The following KCNK5 variants were observed in gnomAD, a reference collection of about 807,000 sequenced individuals.
KCNK5 encodes potassium two pore domain channel subfamily K member 5.
In KCNK5, 18 loss-of-function variants were observed where a neutral mutation model predicts 32.9. That is an observed-to-expected ratio of 0.55 (90% CI 0.38 to 0.81). The LOEUF is 0.81. KCNK5 is among the 30% of genes least tolerant of loss of function. The pLI, the probability that KCNK5 is intolerant of heterozygous loss-of-function variation, is 0.00. For missense variants in KCNK5, 507 were observed against 651.0 expected, an observed-to-expected ratio of 0.78 and a Z score of 2.41; for synonymous variants, 276 against 275.3, an observed-to-expected ratio of 1.00 and a Z score of -0.03.
chr6:39,217,829 G>A (rs2815114), intron 1 of KCNK5, among the ~76,000 whole-genome samples: 64,734 of 151,960 alleles, frequency 0.43, 14,015 homozygotes, highest in East Asian at 0.6. Context: ...GGGAGGCATC[G>A]GATCCTTTCT....
intron 1 of KCNK5, among the ~76,000 whole-genome samples, chr6:39,200,398 A>T (rs2815104): frequency 6.6e-6 from 1 of 151,956 alleles, no homozygotes; most frequent in Non-Finnish European, 1.5e-5. Flanking sequence ...AGAGTTGGGT[A>T]AAGCATTTTA....
At chr6:39,223,820 G>T (rs1184430936) in intron 1 of KCNK5, among the ~76,000 whole-genome samples, 1 of 152,152 alleles carries the variant, frequency 6.6e-6, no homozygotes, top group East Asian at 1.9e-4. Context: ...AAAACCGGGG[G>T]ATTTTGTTTC....
chr6:39,229,434 C>T lies in KCNK5; in HGVS notation c.-323G>A. ...TGACTCTGGGCAGACACGTGGGCCG[C>T]TTCTCCACGCGTCGCTCCTCCGCGC... On this transcript the variant is annotated 5_prime_UTR_variant, in exon 1 of 5. Transcript: ENST00000359534. 3.4e-6 allele frequency: 1 copy of T among 297,168 alleles called. No individual in the cohort carries two copies. Among genetic ancestry groups the T allele is most frequent in the Non-Finnish European group, 6.4e-6 (1 of 156,628 alleles). The allele number at this position is 297,168 out of a possible 1,614,324, so 18.4% of individuals were successfully genotyped here. A position where few individuals can be genotyped will look rare whatever the true frequency, so the allele number is the denominator to read the frequency against.
chr6:39,222,467 C>G (rs1417952663), intron 1 of KCNK5, among the ~76,000 whole-genome samples: 1 of 152,108 alleles, frequency 6.6e-6, no homozygotes, highest in African/African-American at 2.4e-5. Context: ...GTGGAGGAAA[C>G]TTTCTGAAAT....
chr6:39,193,165 C>CT (rs1770970530), intron 4 of KCNK5, among the ~76,000 whole-genome samples: 3 of 146,458 alleles, frequency 2.0e-5, no homozygotes, highest in Admixed American at 2.0e-4. Context: ...GAAAGTATGG[C>CT]TAAGTGTACA....
chr6:39,213,642 A>AT, intron 1 of KCNK5, among the ~76,000 whole-genome samples: 1 of 152,340 alleles, frequency 6.6e-6, no homozygotes, highest in South Asian at 2.1e-4. Context: ...AAGAATGTGT[A>AT]TACACGGGTG....
intron 1 of KCNK5, among the ~76,000 whole-genome samples, chr6:39,198,021 T>A (rs1276457979): frequency 1.3e-5 from 2 of 152,134 alleles, no homozygotes; most frequent in Non-Finnish European, 2.9e-5. Context: ...GAGAGGAGAA[T>A]GTTTGGAACA....
In KCNK5 at chr6:39,190,831, A is replaced by C; in HGVS notation, c.*59T>G. ...GGCCAGGCGTCCCGGTCATCTCGGG[A>C]CACCCTAGGGTGAGGGGGGAAGAGG... On this transcript the variant is annotated 3_prime_UTR_variant, in exon 5 of 5. Transcript: ENST00000359534. 1 of 1,397,494 alleles carries C rather than the reference A, an allele frequency of 7.2e-7. No individual in the cohort carries two copies. The highest frequency in any genetic ancestry group is 9.3e-7 in the Non-Finnish European group (1 of 1,070,420). 86.6% of individuals were successfully genotyped at this position (1,397,494 alleles called of 1,614,324 possible).
chr6:39,190,972 G>T lies in KCNK5; in HGVS notation c.1418C>A (p.Thr473Asn). 1 of 1,548,552 alleles carries T rather than the reference G, an allele frequency of 6.5e-7. No homozygotes were observed. The highest frequency in any genetic ancestry group is 8.7e-7 in the Non-Finnish European group (1 of 1,149,298). ...CACAGAGAGCTCAGACTCAGTGCTGGTGAAGGTGGACTCGGAGGAGGAGGG... is the reference window on the plus strand; with the variant it reads ...CACAGAGAGCTCAGACTCAGTGCTGTTGAAGGTGGACTCGGAGGAGGAGGG... ...EFPSSSESTFTSTESELSVPY... is the reference protein window; with the variant it reads ...EFPSSSESTFNSTESELSVPY... The change falls in exon 5 of 5, where the codon ACC becomes AAC. Residue 473 changes from threonine to asparagine, a missense_variant. Thr to Asn is a moderately conservative substitution (Grantham distance 65). Coordinates refer to ENST00000359534, the MANE Select transcript of KCNK5 (RefSeq NM_003740.4).
At chr6:39,203,080 C>G (rs976502468) in intron 1 of KCNK5, among the ~76,000 whole-genome samples, 1 of 152,144 alleles carries the variant, frequency 6.6e-6, no homozygotes, top group Non-Finnish European at 1.5e-5. Context: ...AGCAAAGCTG[C>G]TCACCCCCAA....
rs1770944890 is a variant in KCNK5 at position 39,191,842 on chromosome 6, G to C, written c.635-87C>G. On this transcript the variant is annotated intron_variant, in intron 4 of 4. Transcript: ENST00000359534. The surrounding 1 kb of genome is among the most constrained non-coding windows in gnomAD (Gnocchi z 5.8). ...GCCAATGCTGTGTGATCTGAGCAGG[G>C]GTCAGGCCAGAGCACAGGACGGGGG... 6 of 1,429,432 alleles carry C rather than the reference G, an allele frequency of 4.2e-6. No individual in the cohort carries two copies. The East Asian group carries it at 1.1e-4, about 27-fold the overall frequency. The allele number at this position is 1,429,432 out of a possible 1,614,324, so 88.5% of individuals were successfully genotyped here. A position where few individuals can be genotyped will look rare whatever the true frequency, so the allele number is the denominator to read the frequency against.
chr6:39,221,999 T>C (rs1435140235), intron 1 of KCNK5, among the ~76,000 whole-genome samples: 2 of 152,162 alleles, frequency 1.3e-5, no homozygotes, highest in Non-Finnish European at 2.9e-5. Context: ...GGATAGCCAG[T>C]AGGGAGGGCC....
In KCNK5 at chr6:39,191,608, C is replaced by T. The variant is rs138072490; in HGVS notation, c.782G>A (p.Arg261Gln). ...EVHKAIKKRRRRRKESFESSP... is the reference protein window; with the variant it reads ...EVHKAIKKRRQRRKESFESSP... Reference sequence around the variant, plus strand: ...GCTCTCAAAGGACTCCTTCCGTCGCCGCCGCCGCTTCTTAATGGCTTTGTG... The same window carrying T: ...GCTCTCAAAGGACTCCTTCCGTCGCTGCCGCCGCTTCTTAATGGCTTTGTG... Residue 261 changes from arginine to glutamine, a missense_variant, in exon 5 of 5, where the codon CGG (arginine) becomes CAG (glutamine). Transcript: ENST00000359534. This position sits in a 1 kb window ranked among gnomAD's most constrained non-coding sequence, Gnocchi z 5.8. 2.6e-5 allele frequency: 42 copies of T among 1,613,826 alleles called. No individual in the cohort carries two copies. The highest frequency in any genetic ancestry group is 3.2e-5 in the Non-Finnish European group (38 of 1,179,998).
chr6:39,212,356 C>T (rs955986107), intron 1 of KCNK5, among the ~76,000 whole-genome samples: 3 of 152,274 alleles, frequency 2.0e-5, no homozygotes, highest in African/African-American at 7.2e-5. Flanking sequence ...AATTGCATAG[C>T]GGCATGTGGG....
Position 39,191,862 on chromosome 6 carries a change from C to T in KCNK5, c.635-107G>A, listed in dbSNP as rs916313292. On this transcript the variant is annotated intron_variant, in intron 4 of 4. Transcript: ENST00000359534. The surrounding 1 kb of genome is among the most constrained non-coding windows in gnomAD (Gnocchi z 5.8). ...GCAGGGGTCAGGCCAGAGCACAGGACGGGGGTGCAGTGGGATAGAAAGGGG... is the reference window on the plus strand; with the variant it reads ...GCAGGGGTCAGGCCAGAGCACAGGATGGGGGTGCAGTGGGATAGAAAGGGG... 24 of 1,238,788 alleles carry T rather than the reference C, an allele frequency of 1.9e-5. No homozygotes were observed. The East Asian group carries it at 2.1e-4, about 11-fold the overall frequency. The allele number at this position is 1,238,788 out of a possible 1,614,324, so 76.7% of individuals were successfully genotyped here. A position where few individuals can be genotyped will look rare whatever the true frequency, so the allele number is the denominator to read the frequency against.
intron 1 of KCNK5, among the ~76,000 whole-genome samples, chr6:39,197,978 A>G (rs1771057038): frequency 6.6e-6 from 1 of 152,214 alleles, no homozygotes; most frequent in African/African-American, 2.4e-5. Context: ...AATTCAGAAA[A>G]CAAACCTGAA....
chr6:39,197,994 G>A (rs1771057330), intron 1 of KCNK5, among the ~76,000 whole-genome samples: 1 of 152,212 alleles, frequency 6.6e-6, no homozygotes, highest in Non-Finnish European at 1.5e-5. Flanking sequence ...CTGAACTCTT[G>A]CAAACTTCAA....
rs534805022 is a variant in KCNK5, at chr6:39,191,465, C to T, written c.925G>A (p.Gly309Arg). 5.6e-6 allele frequency: 9 copies of T among 1,613,666 alleles called. No individual in the cohort carries two copies. Among genetic ancestry groups the T allele is most frequent in the East Asian group, 2.2e-5 (1 of 44,828 alleles). The part of the protein sequence containing the change: ...ETYNDLIKQI[G>R]KKAMKTSGGG... Reference sequence around the variant, plus strand: ...CCGCTTGTCTTCATGGCCTTCTTCCCGATCTGCTTGATGAGGTCGTTGTAG... The same window carrying T: ...CCGCTTGTCTTCATGGCCTTCTTCCTGATCTGCTTGATGAGGTCGTTGTAG... The change falls in exon 5 of 5, where the codon GGG becomes AGG. Residue 309 changes from glycine (G) to arginine (R), a missense_variant. By Grantham distance (125) the Gly-to-Arg change is moderately radical (BLOSUM62 -2). Coordinates refer to ENST00000359534, the MANE Select transcript of KCNK5 (RefSeq NM_003740.4). This position sits in a 1 kb window ranked among gnomAD's most constrained non-coding sequence, Gnocchi z 5.8.
intron 1 of KCNK5, among the ~76,000 whole-genome samples, chr6:39,203,298 G>A (rs1404559217): frequency 2.0e-5 from 3 of 152,250 alleles, no homozygotes; most frequent in Admixed American, 6.5e-5. Flanking sequence ...CATGGAGGAA[G>A]GGACTGTGGT....
Sources: gnomAD v4.1 joint callset for allele counts (sites outside exome capture counted in the v4.1 genomes callset) on GRCh38, gnomAD v4.1.1 for gene constraint, Gnocchi (gnomAD v3.1) non-coding constraint, MANE v1.5 for transcripts, NCBI Gene and HGNC (gene_info 2026-07-23, HGNC 2026-07-21) for gene names.